Variants in WDR70 observed in about 807,000 individuals in gnomAD.
The protein encoded by WDR70 is WD repeat-containing protein 70.
In WDR70, 53 loss-of-function variants were observed where a neutral mutation model predicts 88.6. The ratio of observed to expected loss-of-function variants is 0.60; its 90% CI spans 0.48 to 0.75. The LOEUF (loss-of-function observed/expected upper bound fraction) is 0.75. WDR70 is among the 30% of genes least tolerant of loss of function. The pLI, the probability that WDR70 is intolerant of heterozygous loss-of-function variation, is 0.00. For synonymous variants in WDR70, 280 were observed against 270.0 expected, an observed-to-expected ratio of 1.04 and a Z score of -0.36; for missense variants, 610 against 823.2, an observed-to-expected ratio of 0.74 and a Z score of 3.17.
chr5:37,738,358 G>C (rs1748365588), intron 17 of WDR70, among the ~76,000 whole-genome samples: 1 of 152,284 alleles, frequency 6.6e-6, no homozygotes, highest in South Asian at 2.1e-4. Context: ...TACTTGCTCT[G>C]TTACCCTGGA....
chr5:37,675,515 C>G (rs1196856896), intron 10 of WDR70, among the ~76,000 whole-genome samples: 3 of 152,192 alleles, frequency 2.0e-5, no homozygotes, highest in South Asian at 2.1e-4. Context: ...GCTTGTTTTT[C>G]TCAGGTTTGT....
At chr5:37,632,083 C>T (rs1326695536) in intron 10 of WDR70, among the ~76,000 whole-genome samples, 5 of 152,120 alleles carry the variant, frequency 3.3e-5, no homozygotes, top group African/African-American at 9.7e-5. Context: ...TCTGTGTATG[C>T]GGTGGTGCTC....
intron 5 of WDR70, among the ~76,000 whole-genome samples, chr5:37,397,623 A>T (rs1297110611): frequency 6.6e-6 from 1 of 152,214 alleles, no homozygotes; most frequent in Middle Eastern, 3.2e-3. Context: ...TGCTTTGTAA[A>T]TGTTATTTGG....
intron 7 of WDR70, 95 bp downstream of exon 7, chr5:37,443,467 T>C: frequency 7.1e-7 from 1 of 1,410,032 alleles, no homozygotes; most frequent in Non-Finnish European, 9.8e-7. Context: ...CTACAATGAT[T>C]TGTATCAAAA....
intron 3 of WDR70, among the ~76,000 whole-genome samples, chr5:37,383,116 TAAAATAA>T (rs1024260520): frequency 6.6e-6 from 1 of 151,950 alleles, no homozygotes; most frequent in Non-Finnish European, 1.5e-5. Context: ...ACAAAATAAC[TAAAATAA>T]AAAATAAAAC....
intron 5 of WDR70, among the ~76,000 whole-genome samples, chr5:37,398,131 G>A (rs1467070522): frequency 1.6e-5 from 2 of 127,772 alleles, no homozygotes; most frequent in Non-Finnish European, 3.1e-5. Context: ...CTCTGTCACC[G>A]AGGCTGGAAT....
chr5:37,391,937 A>G, intron 3 of WDR70, 63 bp from the exon 4 acceptor site: 2 of 1,540,358 alleles, frequency 1.3e-6, no homozygotes, highest in Non-Finnish European at 1.8e-6. Flanking sequence ...CCTTTCTAAT[A>G]CTAACATATT....
At chr5:37,449,121 T>A (rs914283010) in intron 7 of WDR70, among the ~76,000 whole-genome samples, 3 of 152,248 alleles carry the variant, frequency 2.0e-5, no homozygotes, top group African/African-American at 7.2e-5. Context: ...AAAATTTGGC[T>A]CCACTTCCTG....
intron 8 of WDR70, among the ~76,000 whole-genome samples, chr5:37,504,944 T>G (rs1740515358): frequency 6.6e-6 from 1 of 152,166 alleles, no homozygotes; most frequent in African/African-American, 2.4e-5. Flanking sequence ...TGCAGAGAGA[T>G]AATGACTCAA....
intron 5 of WDR70, among the ~76,000 whole-genome samples, chr5:37,418,011 AGTGAGGAACT>A (rs1749816019): frequency 6.6e-6 from 1 of 152,204 alleles, no homozygotes; most frequent in Non-Finnish European, 1.5e-5. Context: ...AGCATTGTAA[AGTGAGGAACT>A]GGTTGAACTA....
chr5:37,575,490 G>A (rs1743026472), intron 9 of WDR70, among the ~76,000 whole-genome samples: 1 of 152,162 alleles, frequency 6.6e-6, no homozygotes, highest in African/African-American at 2.4e-5. Flanking sequence ...ATCCTCCAGG[G>A]AGAGGAGTGA....
At chr5:37,748,149 A>T (rs1162797069) in intron 17 of WDR70, among the ~76,000 whole-genome samples, 1 of 152,250 alleles carries the variant, frequency 6.6e-6, no homozygotes, top group Non-Finnish European at 1.5e-5. Flanking sequence ...TTTAAATTTC[A>T]TATGGAATCA....
chr5:37,648,013 A>T (rs1745284681), intron 10 of WDR70, among the ~76,000 whole-genome samples: 1 of 152,126 alleles, frequency 6.6e-6, no homozygotes, highest in Non-Finnish European at 1.5e-5. Context: ...TCCTCCCTCG[A>T]CACTTGGGGA....
intron 10 of WDR70, among the ~76,000 whole-genome samples, chr5:37,644,371 G>A (rs1289653414): frequency 6.6e-6 from 1 of 151,642 alleles, no homozygotes; most frequent in Admixed American, 6.6e-5. Flanking sequence ...GTGTGTTGTT[G>A]AATTCATTTG....
At chr5:37,477,523 G>A (rs1041278873) in intron 7 of WDR70, among the ~76,000 whole-genome samples, 6 of 152,156 alleles carry the variant, frequency 3.9e-5, no homozygotes, top group Non-Finnish European at 7.3e-5. Context: ...CAACAGTTAG[G>A]TCAAGTTAAG....
intron 9 of WDR70, among the ~76,000 whole-genome samples, chr5:37,537,053 A>G (rs561200273): frequency 3.0e-4 from 45 of 152,192 alleles, no homozygotes; most frequent in Non-Finnish European, 5.9e-4. Flanking sequence ...TCATCTAACA[A>G]TTTGAATTAA....
Position 37,568,267 on chromosome 5 carries a change from T to A in WDR70, c.918-36797T>A, listed in dbSNP as rs564667881. ...TGTGGGAAGTGTTTGGCAGGTGTGG[T>A]GTTTGGGAAGTGGCAGCTGTTGAGA... On this transcript the variant is annotated intron_variant, in intron 9 of 17. Coordinates refer to ENST00000265107, the MANE Select transcript of WDR70 (RefSeq NM_018034.4). Among the ~76,000 whole-genome samples, 32 of 152,274 alleles carry A rather than the reference T, an allele frequency of 2.1e-4. No individual in the cohort carries two copies. The South Asian group carries it at 6.0e-3, about 29-fold the overall frequency.
At chr5:37,580,737 G>T (rs541318482) in intron 9 of WDR70, among the ~76,000 whole-genome samples, 1 of 152,230 alleles carries the variant, frequency 6.6e-6, no homozygotes, top group Non-Finnish European at 1.5e-5. Context: ...TTTTTCCCCT[G>T]TGTAGCCAAT....
chr5:37,518,575 T>C (rs1164015762), intron 9 of WDR70, among the ~76,000 whole-genome samples: 1 of 152,236 alleles, frequency 6.6e-6, no homozygotes, highest in Non-Finnish European at 1.5e-5. Flanking sequence ...ATTGTATATA[T>C]GTACCACATT....
Sources: gnomAD v4.1 joint callset for allele counts (sites outside exome capture counted in the v4.1 genomes callset) on GRCh38, gnomAD v4.1.1 for gene constraint, MANE v1.5 for transcripts, NCBI Gene and HGNC (gene_info 2026-07-23, HGNC 2026-07-21) for gene names.